TACC2: variants seen among roughly 807,000 people sequenced by gnomAD.
TACC2 encodes transforming acidic coiled-coil containing protein 2.
TACC2 carries 137 observed loss-of-function variants against 227.3 expected under a neutral mutation model. That is an observed-to-expected ratio of 0.60 (90% CI 0.52 to 0.69). The LOEUF (loss-of-function observed/expected upper bound fraction) is 0.69. Ranked by LOEUF, TACC2 falls within the 30% of genes least tolerant of loss-of-function variation. TACC2 has a pLI of 0.00. For synonymous variants in TACC2, 1,523 were observed against 1,487.5 expected (o/e 1.02, Z -0.55); for missense variants, 3,470 against 3,694.4 (o/e 0.94, Z 1.57).
chr10:122,034,301 GC>G (rs1417733962), intron 2 of TACC2, among the ~76,000 whole-genome samples: 1 of 152,154 alleles, frequency 6.6e-6, no homozygotes, highest in African/African-American at 2.4e-5. Flanking sequence ...GCATTGTGAA[GC>G]CTTTTCATAC....
At chr10:122,027,536 C>G (rs1467299720) in intron 2 of TACC2, among the ~76,000 whole-genome samples, 1 of 152,082 alleles carries the variant, frequency 6.6e-6, no homozygotes, top group Non-Finnish European at 1.5e-5. Context: ...CAGCAATCAG[C>G]TAGGCATATT....
At chr10:122,136,810 T>C (rs1321761748) in intron 6 of TACC2, among the ~76,000 whole-genome samples, 1 of 152,032 alleles carries the variant, frequency 6.6e-6, no homozygotes, top group Non-Finnish European at 1.5e-5. Context: ...TGCCTTGGCC[T>C]CCCAAAGTGC....
At chr10:122,101,333 G>A (rs930360145) in intron 5 of TACC2, among the ~76,000 whole-genome samples, 2 of 152,126 alleles carry the variant, frequency 1.3e-5, no homozygotes. Context: ...ATCACTATTG[G>A]AAGGAGTCCC....
chr10:122,157,847 AAAAG>A (rs1038376800), intron 7 of TACC2, among the ~76,000 whole-genome samples: 5 of 152,142 alleles, frequency 3.3e-5, no homozygotes, highest in African/African-American at 1.2e-4. Flanking sequence ...GTTTAAAAAA[AAAAG>A]AAAGCTGAAT....
chr10:122,009,642 T>C (rs965441001), intron 1 of TACC2, among the ~76,000 whole-genome samples: 1 of 151,948 alleles, frequency 6.6e-6, no homozygotes, highest in Non-Finnish European at 1.5e-5. Context: ...TAATGGTTGT[T>C]ATTGGCCAGG....
intron 3 of TACC2, among the ~76,000 whole-genome samples, chr10:122,072,913 A>G (rs754334600): frequency 6.6e-6 from 1 of 151,730 alleles, no homozygotes. Context: ...GGAGATGGAG[A>G]CCATCCTAGC....
At chr10:122,104,603 C>A (rs939336392) in intron 5 of TACC2, among the ~76,000 whole-genome samples, 22 of 152,134 alleles carry the variant, frequency 1.4e-4, no homozygotes, top group African/African-American at 5.3e-4. Flanking sequence ...ACTCCTGACT[C>A]CAACTGATCC....
chr10:122,126,316 C>CTGTGTGTTTGTGTGTGTGTG (rs1555053283), intron 5 of TACC2, among the ~76,000 whole-genome samples: 1 of 142,018 alleles, frequency 7.0e-6, no homozygotes, highest in Admixed American at 7.3e-5. Context: ...TAATCCAGAA[C>CTGTGTGTTTGTGTGTGTGTG]TGTGTGTGTG....
At chr10:122,232,881 C>CA (rs1173934941) in intron 16 of TACC2, among the ~76,000 whole-genome samples, 1 of 152,204 alleles carries the variant, frequency 6.6e-6, no homozygotes, top group African/African-American at 2.4e-5. Flanking sequence ...CGGTAGGTGA[C>CA]ACAGCTCTGT....
chr10:122,060,233 T>G (rs4752640), intron 3 of TACC2, among the ~76,000 whole-genome samples: 27,443 of 152,158 alleles, frequency 0.18, 2,569 homozygotes, highest in East Asian at 0.32. Flanking sequence ...GGTGAGGAAC[T>G]TGGATTTCCT....
Position 122,224,726 on chromosome 10 carries a change from A to G in TACC2, c.7547A>G (p.Glu2516Gly). 6.2e-7 allele frequency: 1 copy of G among 1,613,804 alleles called. No homozygotes were observed. The highest frequency in any genetic ancestry group is 8.5e-7 in the Non-Finnish European group (1 of 1,179,916). ...TTTGTGTTTGTTTTTGTTTTTGCAGAGTTGGATTACAGAAACTCCTATGAA... is the reference window on the plus strand; with the variant it reads ...TTTGTGTTTGTTTTTGTTTTTGCAGGGTTGGATTACAGAAACTCCTATGAA... ...NETKFSSPTEELDYRNSYEIE... is the reference protein window; with the variant it reads ...NETKFSSPTEGLDYRNSYEIE... Residue 2516 changes from glutamate (E) to glycine (G), a missense_variant and splice_region_variant, in exon 12 of 23, where the codon GAG (glutamate) becomes GGG (glycine). By Grantham distance (98) the Glu-to-Gly change is moderately conservative. Coordinates refer to ENST00000369005, the MANE Select transcript of TACC2 (RefSeq NM_206862.4).
chr10:122,171,743 C>A (rs911719321), intron 7 of TACC2, among the ~76,000 whole-genome samples: 1 of 152,244 alleles, frequency 6.6e-6, no homozygotes, highest in Admixed American at 6.5e-5. Context: ...TCAGAGGCCT[C>A]TTCCCACGTG....
At chr10:122,114,173 A>T (rs1369065612) in intron 5 of TACC2, among the ~76,000 whole-genome samples, 1 of 152,110 alleles carries the variant, frequency 6.6e-6, no homozygotes, top group Non-Finnish European at 1.5e-5. Context: ...AGGACGTGGG[A>T]CATTGAGGAT....
At chr10:122,223,338 G>C (rs1381860022) in intron 11 of TACC2, among the ~76,000 whole-genome samples, 2 of 152,044 alleles carry the variant, frequency 1.3e-5, no homozygotes, top group Admixed American at 6.6e-5. Context: ...GCCCTGTCCT[G>C]CTTCTCATTT....
chr10:122,237,644 G>A (rs1054247257), intron 17 of TACC2, 106 bp downstream of exon 17: 4 of 1,381,236 alleles, frequency 2.9e-6, no homozygotes, highest in East Asian at 2.4e-5. Context: ...TCCTCTGAAC[G>A]CTGCAGGCAA....
intron 4 of TACC2, 48 bp from the exon 5 acceptor site, chr10:122,088,430 C>G: frequency 2.0e-6 from 3 of 1,503,188 alleles, no homozygotes; most frequent in Non-Finnish European, 2.7e-6. Flanking sequence ...AGGAGAAATG[C>G]CTTACTATCT....
At chr10:122,075,728 T>C (rs563068736) in intron 3 of TACC2, among the ~76,000 whole-genome samples, 66 of 122,804 alleles carry the variant, frequency 5.4e-4, no homozygotes, top group Non-Finnish European at 1.2e-3. Context: ...TAGTCAGTCT[T>C]ACTTAGTCTG....
At position 122,083,239 on chromosome 10, in the gene TACC2, C is replaced by A. The variant is rs767259677; in HGVS notation, c.739C>A (p.Gln247Lys). ...AESRQGVASV[Q>K]VTPEAPAAAQ... is the part of the protein sequence containing the mutation. ...GTCCAGGCAGGGGGTGGCTTCTGTG[C>A]AAGTGACCCCTGAGGCCCCTGCTGC... is the stretch of plus-strand genomic sequence containing the variant. Residue 247 changes from glutamine (Q) to lysine (K), a missense_variant, in exon 4 of 23, where the codon CAA (glutamine) becomes AAA (lysine). Transcript: ENST00000369005. The A allele has an allele frequency of 1.2e-6, 2 of 1,613,502 alleles. No homozygotes were observed. Among genetic ancestry groups the A allele is most frequent in the Non-Finnish European group, 1.7e-6 (2 of 1,179,968 alleles).
intron 10 of TACC2, 56 bp downstream of exon 10, chr10:122,215,507 T>C (rs113563482): frequency 6.9e-7 from 1 of 1,444,076 alleles, no homozygotes; most frequent in Non-Finnish European, 9.8e-7. Context: ...GAGGTTTTCT[T>C]CGCTTGTTGA....
Sources: allele counts gnomAD v4.1 joint callset (sites outside exome capture counted in the v4.1 genomes callset), GRCh38; gene constraint gnomAD v4.1.1; transcripts MANE v1.5; gene names NCBI Gene and HGNC (gene_info 2026-07-23, HGNC 2026-07-21).